Variants in EPS8 observed in about 807,000 individuals in gnomAD.
EPS8 encodes the protein epidermal growth factor receptor kinase substrate 8.
In EPS8, 42 loss-of-function variants were observed where a neutral mutation model predicts 103.8. That is an observed-to-expected ratio of 0.40 (90% confidence interval 0.32 to 0.52). The LOEUF (loss-of-function observed/expected upper bound fraction) is 0.52. Among genes scored for constraint, EPS8 ranks in the 20% least tolerant of loss-of-function variants. The pLI, the probability that EPS8 is intolerant of heterozygous loss-of-function variation, is 0.40. For synonymous variants in EPS8, 344 were observed against 344.6 expected, an observed-to-expected ratio of 1.00 and a Z score of 0.02; for missense variants, 969 against 1,005.1, an observed-to-expected ratio of 0.96 and a Z score of 0.49.
At position 15,701,790 on chromosome 12, in the gene EPS8, C is replaced by A. The variant is rs1291013476; in HGVS notation, c.-21-18818G>T. On this transcript the variant is annotated intron_variant, in intron 1 of 20. Coordinates refer to ENST00000281172, the MANE Select transcript of EPS8 (RefSeq NM_004447.6). The surrounding 1 kb of genome is among the most constrained non-coding windows in gnomAD (Gnocchi z 5.1). ...AACACCAAAATGATACTGCCCTGGA[C>A]ACGGCCCTTAGGGGAAGAAAAATAA... Among the ~76,000 whole-genome samples, 1 of 152,164 alleles carries A rather than the reference C, an allele frequency of 6.6e-6. No homozygotes were observed. Among genetic ancestry groups the A allele is most frequent in the Non-Finnish European group, 1.5e-5 (1 of 68,012 alleles).
chr12:15,692,333 T>G (rs1490630054), intron 1 of EPS8, among the ~76,000 whole-genome samples: 5 of 150,810 alleles, frequency 3.3e-5, no homozygotes, highest in East Asian at 3.9e-4. Flanking sequence ...TTTTTTTTTT[T>G]TTTTTTTTTT....
intron 1 of EPS8, among the ~76,000 whole-genome samples, chr12:15,729,564 C>G (rs1431571242): frequency 3.3e-5 from 5 of 152,140 alleles, no homozygotes; most frequent in Admixed American, 3.3e-4. Context: ...CAAAGGCATT[C>G]TGCATTTCTG....
intron 1 of EPS8, among the ~76,000 whole-genome samples, chr12:15,715,394 C>CTT (rs3086457): frequency 0.8 from 101,426 of 127,124 alleles, 45,570 homozygotes; most frequent in South Asian, 0.97. Flanking sequence ...CTTTACTTTT[C>CTT]TTTTTTTTTT....
In EPS8 at chr12:15,715,396, T is replaced by TTC. The variant is rs1486299578; in HGVS notation, c.-21-32425_-21-32424insGA. 7.9e-5 allele frequency among the ~76,000 whole-genome samples: 11 copies of TTC among 138,422 alleles called. 1 individual carries two copies. Among genetic ancestry groups the TTC allele is most frequent in the Non-Finnish European group, 1.7e-4 (11 of 64,292 alleles). The allele number at this position is 138,422 out of a possible 152,430, so 90.8% of individuals were successfully genotyped here. A position where few individuals can be genotyped will look rare whatever the true frequency, so the allele number is the denominator to read the frequency against. On this transcript the variant is annotated intron_variant, in intron 1 of 20. Transcript: ENST00000281172. ...TCTTTTTTTTTTTCTTTACTTTTCT[T>TTC]TTTTTTTTTTTTTTGAGATGGAGTT...
intron 3 of EPS8, among the ~76,000 whole-genome samples, chr12:15,675,570 GC>G (rs1301877683): frequency 6.6e-6 from 1 of 152,216 alleles, no homozygotes; most frequent in Non-Finnish European, 1.5e-5. Flanking sequence ...CGGCACTCCA[GC>G]CTGGGCAACA....
chr12:15,781,809 C>T lies in EPS8; in HGVS notation c.-22+7352G>A, dbSNP rs1026566495. 2.0e-5 allele frequency: 3 copies of T among 152,352 alleles called. No individual in the cohort carries two copies. The highest frequency in any genetic ancestry group is 1.3e-4 in the Admixed American group (2 of 15,280). The allele number at this position is 152,352 out of a possible 1,614,324, so 9.4% of individuals were successfully genotyped here. A position where few individuals can be genotyped will look rare whatever the true frequency, so the allele number is the denominator to read the frequency against. On this transcript the variant is annotated intron_variant, in intron 1 of 20. Transcript: ENST00000281172. This position sits in a 1 kb window ranked among gnomAD's most constrained non-coding sequence, Gnocchi z 4.1. ...GAGCCTCCTTGCTGGTGGGGACTCT[C>T]CAAGAATCCCAGGACAACAGAGAGC...
Position 15,650,975 on chromosome 12 carries a change from G to C in EPS8, c.1282C>G (p.Pro428Ala). Reference sequence around the variant, plus strand: ...CCATTGCGGAATCGTGGAACATATGGTGGAATAAACTGTTCTTTTGGCCAC... The same window carrying C: ...CCATTGCGGAATCGTGGAACATATGCTGGAATAAACTGTTCTTTTGGCCAC... ...AEWPKEQFIP[P>A]YVPRFRNGWE... Residue 428 changes from proline (P) to alanine (A), a missense_variant, in exon 14 of 21, where the codon CCA becomes GCA. Transcript: ENST00000281172. 6.2e-7 allele frequency: 1 copy of C among 1,614,056 alleles called. No individual in the cohort carries two copies. The highest frequency in any genetic ancestry group is 8.5e-7 in the Non-Finnish European group (1 of 1,179,972).
chr12:15,739,003 A>G (rs1591909969), intron 1 of EPS8, among the ~76,000 whole-genome samples: 1 of 152,226 alleles, frequency 6.6e-6, no homozygotes, highest in East Asian at 1.9e-4. Flanking sequence ...AATATAGCAC[A>G]GACTACATCC....
At chr12:15,715,596 G>C (rs1479793953) in intron 1 of EPS8, among the ~76,000 whole-genome samples, 1 of 151,712 alleles carries the variant, frequency 6.6e-6, no homozygotes, top group African/African-American at 2.4e-5. Flanking sequence ...ATGTTGACCA[G>C]GCTGGTCTCG....
At chr12:15,763,500 T>C (rs1947062513) in intron 1 of EPS8, among the ~76,000 whole-genome samples, 1 of 152,130 alleles carries the variant, frequency 6.6e-6, no homozygotes, top group Non-Finnish European at 1.5e-5. Flanking sequence ...AGAGGAGAGT[T>C]GACAGCAAGG....
At chr12:15,644,661 G>A (rs1249536289) in intron 15 of EPS8, among the ~76,000 whole-genome samples, 1 of 148,138 alleles carries the variant, frequency 6.8e-6, no homozygotes, top group African/African-American at 2.5e-5. Flanking sequence ...TCGCGCCACT[G>A]CACTCCAGCC....
chr12:15,648,131 T>C (rs941244373), intron 14 of EPS8, among the ~76,000 whole-genome samples: 3 of 152,148 alleles, frequency 2.0e-5, no homozygotes, highest in Non-Finnish European at 4.4e-5. Flanking sequence ...TGAGGCACAG[T>C]TTCCAACAGG....
chr12:15,773,335 A>C (rs565964205), intron 1 of EPS8, among the ~76,000 whole-genome samples: 1 of 152,306 alleles, frequency 6.6e-6, no homozygotes, highest in East Asian at 1.9e-4. Flanking sequence ...TGGTTCTTTT[A>C]CTATGCTCTG....
intron 15 of EPS8, 27 bp downstream of exon 15, chr12:15,647,100 C>G: frequency 6.2e-7 from 1 of 1,605,006 alleles, no homozygotes; most frequent in Non-Finnish European, 8.5e-7. Context: ...ATCCACAGCT[C>G]TCCAAAGGGT....
At chr12:15,624,118 G>C in intron 19 of EPS8, 109 bp downstream of exon 19, 2 of 822,162 alleles carry the variant, frequency 2.4e-6, no homozygotes, top group Non-Finnish European at 4.0e-6. Flanking sequence ...AAAGTATGCA[G>C]TCTGTGCCCT....
intron 3 of EPS8, among the ~76,000 whole-genome samples, chr12:15,674,932 C>G (rs1036586049): frequency 6.6e-6 from 1 of 152,064 alleles, no homozygotes; most frequent in African/African-American, 2.4e-5. Flanking sequence ...CAGGTTTTAA[C>G]TCTTAAGTAC....
chr12:15,707,151 T>C (rs1196240134), intron 1 of EPS8, among the ~76,000 whole-genome samples: 1 of 152,200 alleles, frequency 6.6e-6, no homozygotes, highest in Non-Finnish European at 1.5e-5. Flanking sequence ...CCTAATCCAA[T>C]TTCCTAAAAG....
At chr12:15,677,880 G>C (rs574642683) in intron 3 of EPS8, among the ~76,000 whole-genome samples, 1 of 152,238 alleles carries the variant, frequency 6.6e-6, no homozygotes, top group Admixed American at 6.5e-5. Context: ...GGAGAAATAT[G>C]TTCATGTTTT....
chr12:15,690,357 C>T lies in EPS8; in HGVS notation c.-21-7385G>A, dbSNP rs1426732644. Among the ~76,000 whole-genome samples, 1 of 152,120 alleles carries T rather than the reference C, an allele frequency of 6.6e-6. No homozygotes were observed. The highest frequency in any genetic ancestry group is 2.4e-5 in the African/African-American group (1 of 41,442). On this transcript the variant is annotated intron_variant, in intron 1 of 20. Coordinates refer to ENST00000281172, the MANE Select transcript of EPS8 (RefSeq NM_004447.6). This position sits in a 1 kb window ranked among gnomAD's most constrained non-coding sequence, Gnocchi z 4.7. ...AAACCACATGGGACTCTTTAAAAAG[C>T]ATAAGAATTCTATTTTTTTAAAGGT...
Sources: gnomAD v4.1 joint callset for allele counts (sites outside exome capture counted in the v4.1 genomes callset) on GRCh38, gnomAD v4.1.1 for gene constraint, Gnocchi (gnomAD v3.1) non-coding constraint, MANE v1.5 for transcripts, NCBI Gene and HGNC (gene_info 2026-07-23, HGNC 2026-07-21) for gene names.